Variants in SLC17A1 observed in about 807,000 individuals in gnomAD.
The protein encoded by SLC17A1 is sodium-dependent phosphate transport protein 1.
Under a neutral mutation model 53.5 loss-of-function variants are expected in SLC17A1, and 51 were observed. The ratio of observed to expected loss-of-function variants is 0.95; its 90% CI spans 0.76 to 1.20. The LOEUF is 1.20. Ranked by LOEUF, SLC17A1 falls within the 50% of genes most tolerant of loss-of-function variation. SLC17A1 has a pLI of 0.00. For synonymous variants in SLC17A1, 179 were observed against 198.8 expected (o/e 0.90, Z 0.84); for missense variants, 538 against 568.2 (o/e 0.95, Z 0.54).
the SLC17A1 span, chr6:25,726,809 T>C: frequency 7.2e-7 from 1 of 1,387,812 alleles, no homozygotes; most frequent in Non-Finnish European, 9.8e-7. Flanking sequence ...GGAGCTGAGG[T>C]CATTTGGAGC....
chr6:25,779,298 C>G, downstream of SLC17A1: 1 of 1,422,970 alleles, frequency 7.0e-7, no homozygotes, highest in Non-Finnish European at 9.5e-7. Context: ...TAGACCCTGA[C>G]TATGTAACGC....
the SLC17A1 span, among the ~76,000 whole-genome samples, chr6:25,725,018 A>T: frequency 2.1e-5 from 3 of 142,062 alleles, no homozygotes; most frequent in Non-Finnish European, 4.5e-5. Context: ...TAACCAAATG[A>T]TTTTTTTTTT....
At chr6:25,796,166 C>T (rs939189733) in intron 12 of SLC17A1, among the ~76,000 whole-genome samples, 2 of 152,100 alleles carry the variant, frequency 1.3e-5, no homozygotes, top group Non-Finnish European at 2.9e-5. Context: ...TTTATAAGGA[C>T]AATCTCAGAT....
At position 25,811,724 on chromosome 6, in the gene SLC17A1, C is replaced by T; in HGVS notation, c.944G>A (p.Gly315Asp). 1 of 1,613,784 alleles carries T rather than the reference C, an allele frequency of 6.2e-7. No homozygotes were observed. Among genetic ancestry groups the T allele is most frequent in the Non-Finnish European group, 8.5e-7 (1 of 1,179,758 alleles). ...GTCTGATAACTGACCTGCTAGGTTACCACAGATCCAGGCAAACAAATAGGG... is the reference window on the plus strand; with the variant it reads ...GTCTGATAACTGACCTGCTAGGTTATCACAGATCCAGGCAAACAAATAGGG... The part of the protein sequence containing the change: ...SLPYLFAWIC[G>D]NLAGQLSDFF... Residue 315 changes from glycine (G) to aspartate (D), a missense_variant, in exon 9 of 13, where the codon GGT (glycine) becomes GAT (aspartate). Coordinates refer to ENST00000244527, the MANE Select transcript of SLC17A1 (RefSeq NM_005074.5).
the SLC17A1 span, chr6:25,762,133 G>C: frequency 8.0e-7 from 1 of 1,242,850 alleles, no homozygotes; most frequent in Non-Finnish European, 1.1e-6. Context: ...AATAAAACTA[G>C]GATCTGTGGC....
chr6:25,738,550 A>T, the SLC17A1 span, among the ~76,000 whole-genome samples: 1 of 151,978 alleles, frequency 6.6e-6, no homozygotes, highest in East Asian at 1.9e-4. Flanking sequence ...AGAAAAAAAA[A>T]GTAAAAGCTT....
the SLC17A1 span, chr6:25,732,783 C>T: frequency 3.4e-6 from 3 of 895,136 alleles, no homozygotes; most frequent in East Asian, 7.9e-5. Context: ...GTGCTGCTGT[C>T]CCAAAGGATT....
the SLC17A1 span, chr6:25,773,665 C>A: frequency 1.2e-6 from 2 of 1,613,270 alleles, no homozygotes; most frequent in Non-Finnish European, 8.5e-7. Flanking sequence ...TTCAAGCCAA[C>A]CTCAGAGATG....
At chr6:25,726,255 A>G in the SLC17A1 span, 1 of 1,614,050 alleles carries the variant, frequency 6.2e-7, no homozygotes, top group Non-Finnish European at 8.5e-7. Context: ...TGAGTTCCTC[A>G]TCATTGCGGA....
chr6:25,808,307 A>G (rs756010804), intron 10 of SLC17A1, among the ~76,000 whole-genome samples: 10 of 151,870 alleles, frequency 6.6e-5, no homozygotes, highest in Non-Finnish European at 1.0e-4. Flanking sequence ...ATACAAAGGC[A>G]TACAGAGTGA....
At chr6:25,769,395 TAA>T in the SLC17A1 span, among the ~76,000 whole-genome samples, 101 of 151,934 alleles carry the variant, frequency 6.6e-4, no homozygotes, top group African/African-American at 1.7e-3. Flanking sequence ...GCATCTTTAC[TAA>T]AAATATGAAA....
chr6:25,813,792 G>A (rs1399771191), intron 6 of SLC17A1, among the ~76,000 whole-genome samples: 3 of 152,102 alleles, frequency 2.0e-5, no homozygotes, highest in African/African-American at 4.8e-5. Flanking sequence ...GTGTTCACGT[G>A]TTCTCATCAT....
chr6:25,763,294 G>A, the SLC17A1 span, among the ~76,000 whole-genome samples: 5 of 152,244 alleles, frequency 3.3e-5, no homozygotes, highest in South Asian at 6.2e-4. Flanking sequence ...ACAGCATCAT[G>A]CTACTAACAC....
chr6:25,743,689 T>TA, the SLC17A1 span, among the ~76,000 whole-genome samples: 41,284 of 152,102 alleles, frequency 0.27, 6,812 homozygotes, highest in East Asian at 0.7. Flanking sequence ...GTTAAGGTCT[T>TA]AATGTCATCC....
At chr6:25,743,056 C>T in the SLC17A1 span, among the ~76,000 whole-genome samples, 3 of 152,090 alleles carry the variant, frequency 2.0e-5, no homozygotes. Flanking sequence ...AACAGACTCA[C>T]AGTAGAACAC....
intron 6 of SLC17A1, 57 bp from the exon 7 acceptor site, chr6:25,813,270 C>G: frequency 7.2e-7 from 1 of 1,379,750 alleles, no homozygotes; most frequent in Non-Finnish European, 1.0e-6. Context: ...GATCTCTTTC[C>G]CAGAATGGCA....
the SLC17A1 span, chr6:25,769,023 C>A: frequency 1.2e-6 from 2 of 1,614,054 alleles, no homozygotes; most frequent in Non-Finnish European, 1.7e-6. Context: ...CCTCATCTTG[C>A]AGCTCTGTAA....
chr6:25,806,416 C>A (rs1763955648), intron 10 of SLC17A1, among the ~76,000 whole-genome samples: 1 of 152,020 alleles, frequency 6.6e-6, no homozygotes, highest in African/African-American at 2.4e-5. Context: ...ACACAACCAA[C>A]ATCATACGAA....
At chr6:25,725,045 A>G in the SLC17A1 span, among the ~76,000 whole-genome samples, 18 of 147,750 alleles carry the variant, frequency 1.2e-4, no homozygotes, top group South Asian at 3.6e-3. Context: ...GGTAAGGTCA[A>G]CTGTTGAATA....
Sources: allele counts gnomAD v4.1 joint callset (sites outside exome capture counted in the v4.1 genomes callset), GRCh38; gene constraint gnomAD v4.1.1; transcripts MANE v1.5; gene names NCBI Gene and HGNC (gene_info 2026-07-23, HGNC 2026-07-21).